Variants in ZMYM4 observed in about 807,000 individuals in gnomAD.
ZMYM4 encodes zinc finger MYM-type containing 4, also known as zinc finger MYM-type protein 4.
ZMYM4 carries 31 observed loss-of-function variants against 183.2 expected under a neutral mutation model. The observed-to-expected ratio is 0.17, with a 90% CI of 0.13 to 0.23. The LOEUF is 0.23. Ranked by LOEUF, ZMYM4 falls within the 10% of genes least tolerant of loss-of-function variation. The probability of loss-of-function intolerance (pLI) is 1.00; values close to 1 mark genes in which losing one functional copy is unlikely to be tolerated. For synonymous variants in ZMYM4, 592 were observed against 631.2 expected (o/e 0.94, Z 0.93); for missense variants, 1,273 against 1,840.3 (o/e 0.69, Z 5.64).
chr1:35,379,608 G>C (rs1644408790), intron 7 of ZMYM4, among the ~76,000 whole-genome samples: 1 of 152,236 alleles, frequency 6.6e-6, no homozygotes. Context: ...CTTTTCCTTT[G>C]CATTTACTAT....
At chr1:35,328,533 C>T (rs957901604) in intron 2 of ZMYM4, among the ~76,000 whole-genome samples, 4 of 136,650 alleles carry the variant, frequency 2.9e-5, no homozygotes, top group African/African-American at 8.4e-5. Flanking sequence ...TGGCCTCAAA[C>T]AATCCTCCTG....
chr1:35,410,655 ATT>A (rs750280057), intron 26 of ZMYM4, among the ~76,000 whole-genome samples: 7 of 132,152 alleles, frequency 5.3e-5, no homozygotes, highest in Non-Finnish European at 6.5e-5. Context: ...CACCTGGCTC[ATT>A]TTTTTTTTTT....
At chr1:35,414,660 T>C (rs1195107040) in intron 27 of ZMYM4, among the ~76,000 whole-genome samples, 2 of 152,230 alleles carry the variant, frequency 1.3e-5, no homozygotes, top group Admixed American at 6.5e-5. Context: ...GCTCCCTGTT[T>C]TGCAATCTAT....
At chr1:35,382,466 T>G (rs1644485110) in intron 9 of ZMYM4, among the ~76,000 whole-genome samples, 1 of 151,666 alleles carries the variant, frequency 6.6e-6, no homozygotes, top group Non-Finnish European at 1.5e-5. Context: ...TTTTTTTTTT[T>G]TTGAGATGGA....
rs559626859 is a variant in ZMYM4, at chr1:35,270,672, A to T, written c.39+1587A>T. Reference sequence around the variant, plus strand: ...CTATTCGGGAGGCTGAGGCAGGGGAATCGCTTGAACCTGGGAGGCGGTGGT... The same window carrying T: ...CTATTCGGGAGGCTGAGGCAGGGGATTCGCTTGAACCTGGGAGGCGGTGGT... On this transcript the variant is annotated intron_variant, in intron 1 of 29. Coordinates refer to ENST00000314607, the MANE Select transcript of ZMYM4 (RefSeq NM_005095.3). 2.9e-3 allele frequency among the ~76,000 whole-genome samples: 448 copies of T among 152,212 alleles called. 1 individual carries two copies. Among genetic ancestry groups the T allele is most frequent in the Non-Finnish European group, 4.7e-3 (317 of 68,008 alleles).
At chr1:35,382,179 CAT>C (rs1197914689) in intron 9 of ZMYM4, among the ~76,000 whole-genome samples, 4 of 117,380 alleles carry the variant, frequency 3.4e-5, no homozygotes, top group Non-Finnish European at 6.3e-5. Context: ...TATATACACA[CAT>C]ACACACACAC....
At chr1:35,292,791 C>T (rs764090435) in intron 1 of ZMYM4, among the ~76,000 whole-genome samples, 8 of 152,036 alleles carry the variant, frequency 5.3e-5, no homozygotes, top group Non-Finnish European at 8.8e-5. Context: ...TGAGCCACCG[C>T]GCCCTGCGAT....
intron 1 of ZMYM4, among the ~76,000 whole-genome samples, chr1:35,298,308 T>C (rs1390554735): frequency 6.6e-6 from 1 of 152,078 alleles, no homozygotes; most frequent in Non-Finnish European, 1.5e-5. Flanking sequence ...CTTGAGAGGC[T>C]GAGGTGGAAG....
At chr1:35,397,987 T>G (rs1644838953) in intron 20 of ZMYM4, among the ~76,000 whole-genome samples, 2 of 152,146 alleles carry the variant, frequency 1.3e-5, no homozygotes, top group Admixed American at 1.3e-4. Context: ...ATAGTTAACG[T>G]TTTGTGTGCT....
chr1:35,300,086 T>C (rs1641210120), intron 1 of ZMYM4, among the ~76,000 whole-genome samples: 1 of 152,112 alleles, frequency 6.6e-6, no homozygotes, highest in African/African-American at 2.4e-5. Flanking sequence ...TGAGCCACTA[T>C]GCCCGGCAAC....
At chr1:35,289,502 T>C (rs1221881140) in intron 1 of ZMYM4, among the ~76,000 whole-genome samples, 1 of 152,164 alleles carries the variant, frequency 6.6e-6, no homozygotes, top group East Asian at 1.9e-4. Flanking sequence ...GAATACACAG[T>C]GGTCGGGATG....
chr1:35,324,080 TC>T (rs1284674063), intron 1 of ZMYM4, among the ~76,000 whole-genome samples: 1 of 152,164 alleles, frequency 6.6e-6, no homozygotes, highest in African/African-American at 2.4e-5. Context: ...CCAGGATGTA[TC>T]CTTTTTTTTT....
chr1:35,392,720 A>G, intron 17 of ZMYM4, 36 bp downstream of exon 17: 1 of 1,539,060 alleles, frequency 6.5e-7, no homozygotes, highest in Non-Finnish European at 8.8e-7. Flanking sequence ...TTGTCACTGT[A>G]TTTATTTTTC....
chr1:35,368,381 G>A (rs938954182), intron 5 of ZMYM4, among the ~76,000 whole-genome samples: 3 of 152,096 alleles, frequency 2.0e-5, no homozygotes, highest in African/African-American at 7.2e-5. Context: ...AAGACTGTCA[G>A]ATTTTTTTGG....
chr1:35,392,221 C>G lies in ZMYM4; in HGVS notation c.2597C>G (p.Ser866Cys), dbSNP rs1485845269. The G allele has an allele frequency of 6.2e-7, 1 of 1,614,010 alleles. No individual in the cohort carries two copies. Among genetic ancestry groups the G allele is most frequent in the African/African-American group, 1.3e-5 (1 of 74,902 alleles). ...TGTTTATTTTAATCAGCAAATATTT[C>G]CATGGTTCAAGCTGCTTCAGCAGGA... ...PPSQNNAANI[S>C]MVQAASAGPP... is the part of the protein sequence containing the mutation. The change falls in exon 16 of 30, where the codon TCC (serine) becomes TGC (cysteine). Residue 866 changes from serine to cysteine, a missense_variant. Ser to Cys is a moderately radical substitution (Grantham distance 112). Transcript: ENST00000314607.
At chr1:35,359,775 G>A (rs1643896543) in intron 3 of ZMYM4, among the ~76,000 whole-genome samples, 1 of 152,006 alleles carries the variant, frequency 6.6e-6, no homozygotes, top group Admixed American at 6.6e-5. Flanking sequence ...ACTTCTTTGT[G>A]CTGTAAGCAC....
Position 35,355,200 on chromosome 1 carries a change from CTTT to C in ZMYM4, c.86-3700_86-3698del, listed in dbSNP as rs1013941289. Among the ~76,000 whole-genome samples, 178 of 77,182 alleles carry C rather than the reference CTTT, an allele frequency of 2.3e-3. 1 individual carries two copies. The highest frequency in any genetic ancestry group is 8.1e-3 in the African/African-American group (155 of 19,232). 50.6% of individuals were successfully genotyped at this position (77,182 alleles called of 152,430 possible). A position where few individuals can be genotyped will look rare whatever the true frequency, so the allele number is the denominator to read the frequency against. On this transcript the variant is annotated intron_variant, in intron 2 of 29. Coordinates refer to ENST00000314607, the MANE Select transcript of ZMYM4 (RefSeq NM_005095.3). The stretch of plus-strand genomic sequence containing the variant: ...AGGTGCCCGTCACCACGCCTGGCTT[CTTT>C]TTTTTTTTTTTTTTTTTTTTTTTTA...
chr1:35,275,916 C>G (rs1302965173), intron 1 of ZMYM4, among the ~76,000 whole-genome samples: 2 of 152,148 alleles, frequency 1.3e-5, no homozygotes, highest in Non-Finnish European at 2.9e-5. Flanking sequence ...CCTTCTCATA[C>G]CTATACCCAC....
At chr1:35,371,061 CAGTGTGTG>C (rs1403194269) in intron 7 of ZMYM4, among the ~76,000 whole-genome samples, 2 of 121,266 alleles carry the variant, frequency 1.6e-5, no homozygotes, top group East Asian at 5.2e-4. Flanking sequence ...AAATGGCTTC[CAGTGTGTG>C]TGTGTGTGTG....
Sources: allele counts gnomAD v4.1 joint callset (sites outside exome capture counted in the v4.1 genomes callset), GRCh38; gene constraint gnomAD v4.1.1; transcripts MANE v1.5; gene names NCBI Gene and HGNC (gene_info 2026-07-23, HGNC 2026-07-21).